The following COG5 variants were observed in gnomAD, a reference collection of about 807,000 sequenced individuals.
The protein encoded by COG5 is conserved oligomeric Golgi complex subunit 5.
In COG5, 86 loss-of-function variants were observed where a neutral mutation model predicts 110.4. That is an observed-to-expected ratio of 0.78 (90% CI 0.65 to 0.93). The LOEUF (loss-of-function observed/expected upper bound fraction) is 0.93, where lower values mean the gene tolerates loss of function less well. Among genes scored for constraint, COG5 ranks in the 40% least tolerant of loss-of-function variants. The probability of loss-of-function intolerance (pLI) is 0.00; values close to 1 mark genes in which losing one functional copy is unlikely to be tolerated. For missense variants in COG5, 1,077 were observed against 987.0 expected, an observed-to-expected ratio of 1.09 and a Z score of -1.22; for synonymous variants, 360 against 334.6, an observed-to-expected ratio of 1.08 and a Z score of -0.83.
At chr7:107,352,701 T>C (rs1812271413) in intron 10 of COG5, among the ~76,000 whole-genome samples, 1 of 151,936 alleles carries the variant, frequency 6.6e-6, no homozygotes, top group Non-Finnish European at 1.5e-5. Context: ...TCTAAAAGGG[T>C]AAAAGAAAAC....
intron 6 of COG5, among the ~76,000 whole-genome samples, chr7:107,511,110 G>A (rs1435974086): frequency 6.7e-6 from 1 of 148,454 alleles, no homozygotes; most frequent in Non-Finnish European, 1.5e-5. Flanking sequence ...CCAGGAGCTG[G>A]TTTTTTGAAA....
intron 15 of COG5, 73 bp downstream of exon 15, chr7:107,258,200 A>G (rs1381288811): frequency 6.8e-6 from 6 of 885,662 alleles, no homozygotes; most frequent in Non-Finnish European, 1.1e-5. Flanking sequence ...CTAAATAACA[A>G]TTTGTAAACT....
intron 11 of COG5, among the ~76,000 whole-genome samples, chr7:107,299,265 T>A (rs1047921475): frequency 6.6e-6 from 1 of 152,000 alleles, no homozygotes; most frequent in Non-Finnish European, 1.5e-5. Context: ...TAAGTAAAAT[T>A]GCCAAACTTC....
intron 10 of COG5, among the ~76,000 whole-genome samples, chr7:107,341,691 A>G (rs931372886): frequency 2.3e-4 from 35 of 152,134 alleles, no homozygotes; most frequent in African/African-American, 7.7e-4. Flanking sequence ...GACCAATGGA[A>G]CAGAATGGAG....
At chr7:107,347,696 A>G (rs1250971973) in intron 10 of COG5, among the ~76,000 whole-genome samples, 1 of 152,246 alleles carries the variant, frequency 6.6e-6, no homozygotes, top group Non-Finnish European at 1.5e-5. Context: ...TATAAATAGT[A>G]CAATTGTTAT....
In COG5 at chr7:107,258,359, G is replaced by A; in HGVS notation, c.1600C>T (p.Gln534Ter). Residue 534 changes from glutamine to a stop codon, truncating the protein, a stop_gained, in exon 15 of 22, where the codon CAG becomes TAG. Coordinates refer to ENST00000297135, the MANE Select transcript of COG5 (RefSeq NM_006348.5). LOFTEE classifies it high-confidence loss of function. Reference sequence around the variant, plus strand: ...CCTTCAGTAAGAGGCCCAATCACCTGACTTGCATCTCCTTGTGTGGAGAGC... The same window carrying A: ...CCTTCAGTAAGAGGCCCAATCACCTAACTTGCATCTCCTTGTGTGGAGAGC... ...QLLSTQGDASQVIGPLTEGQR... is the reference protein window; with the variant it reads ...QLLSTQGDAS The A allele has an allele frequency of 6.2e-7, 1 of 1,610,288 alleles. No individual in the cohort carries two copies. The highest frequency in any genetic ancestry group is 8.5e-7 in the Non-Finnish European group (1 of 1,176,750).
At chr7:107,397,125 T>C (rs1450726002) in intron 7 of COG5, among the ~76,000 whole-genome samples, 1 of 152,212 alleles carries the variant, frequency 6.6e-6, no homozygotes, top group African/African-American at 2.4e-5. Flanking sequence ...GTTTTCACAG[T>C]CTTCTTGATA....
chr7:107,347,217 C>T (rs1020599590), intron 10 of COG5, among the ~76,000 whole-genome samples: 19 of 152,104 alleles, frequency 1.2e-4, no homozygotes, highest in Admixed American at 4.6e-4. Flanking sequence ...AGAGGTATTA[C>T]GTATGATCCT....
chr7:107,339,752 A>T (rs894338130), intron 10 of COG5, among the ~76,000 whole-genome samples: 2 of 152,152 alleles, frequency 1.3e-5, no homozygotes, highest in Non-Finnish European at 2.9e-5. Context: ...AAATTAAACA[A>T]CATGTCTCTG....
intron 19 of COG5, among the ~76,000 whole-genome samples, chr7:107,217,520 A>G (rs1159750102): frequency 6.6e-6 from 1 of 152,162 alleles, no homozygotes; most frequent in Non-Finnish European, 1.5e-5. Flanking sequence ...TCTACGGCAC[A>G]TTAAGAGGAT....
At chr7:107,371,020 C>T (rs1010899644) in intron 8 of COG5, among the ~76,000 whole-genome samples, 2 of 151,682 alleles carry the variant, frequency 1.3e-5, no homozygotes, top group Non-Finnish European at 2.9e-5. Context: ...CTTGACGACA[C>T]AAGGGGGAAT....
Position 107,299,826 on chromosome 7 carries a change from CATATATATATATATAT to C in COG5, c.1109-1496_1109-1481del, listed in dbSNP as rs71856513. Among the ~76,000 whole-genome samples the C allele has an allele frequency of 5.3e-4, 55 of 103,194 alleles. No individual in the cohort carries two copies. The East Asian group carries it at 6.9e-3, about 13-fold the overall frequency. 67.7% of individuals were successfully genotyped at this position (103,194 alleles called of 152,430 possible). On this transcript the variant is annotated intron_variant, in intron 11 of 21. Transcript: ENST00000297135. ...ATCTATGTCAGAAATTCATAGTTGG[CATATATATATATATAT>C]ATATATATATATATATCTGGAATTA... is the stretch of plus-strand genomic sequence containing the variant.
At chr7:107,242,478 T>A (rs180710387) in intron 17 of COG5, among the ~76,000 whole-genome samples, 24 of 152,230 alleles carry the variant, frequency 1.6e-4, no homozygotes, top group Admixed American at 1.2e-3. Context: ...GGCCTGGGCC[T>A]CCAGCCATCC....
chr7:107,330,855 C>T (rs1299226217), intron 10 of COG5, among the ~76,000 whole-genome samples: 1 of 147,840 alleles, frequency 6.8e-6, no homozygotes, highest in Non-Finnish European at 1.5e-5. Flanking sequence ...CAGAGTCTCA[C>T]CCTGTTGCCC....
chr7:107,410,556 C>T (rs1469411334), intron 7 of COG5, among the ~76,000 whole-genome samples: 1 of 152,012 alleles, frequency 6.6e-6, no homozygotes, highest in African/African-American at 2.4e-5. Flanking sequence ...AATTCTCCTG[C>T]CTCAGCCTCC....
At chr7:107,563,714 A>G in intron 1 of COG5, 89 bp downstream of exon 1, 1 of 1,507,282 alleles carries the variant, frequency 6.6e-7, no homozygotes, top group East Asian at 2.3e-5. Context: ...AACTTTCTGC[A>G]AAGCAACGGG....
chr7:107,497,276 T>C (rs1354309682), intron 6 of COG5, among the ~76,000 whole-genome samples: 5 of 152,108 alleles, frequency 3.3e-5, no homozygotes, highest in Admixed American at 3.3e-4. Flanking sequence ...AAAACTTCTA[T>C]AGTGTTGGAA....
chr7:107,232,635 G>A (rs1215022095), intron 18 of COG5, among the ~76,000 whole-genome samples: 2 of 152,110 alleles, frequency 1.3e-5, no homozygotes, highest in African/African-American at 4.8e-5. Flanking sequence ...TTTCTATGCC[G>A]CAGGACAATT....
In COG5 at chr7:107,548,096, A is replaced by C; in HGVS notation, c.417+15T>G. 3 of 1,603,226 alleles carry C rather than the reference A, an allele frequency of 1.9e-6. No homozygotes were observed. Among genetic ancestry groups the C allele is most frequent in the Non-Finnish European group, 2.6e-6 (3 of 1,170,632 alleles). On this transcript the variant is annotated intron_variant, in intron 5 of 21. Transcript: ENST00000297135. Reference sequence around the variant, plus strand: ...ATGAATAATAAAGTATAAAGAAATAAAAGTAAGAAACTACCTGAAGTCTTG... The same window carrying C: ...ATGAATAATAAAGTATAAAGAAATACAAGTAAGAAACTACCTGAAGTCTTG...
Sources: allele counts gnomAD v4.1 joint callset (sites outside exome capture counted in the v4.1 genomes callset), GRCh38; gene constraint gnomAD v4.1.1; transcripts MANE v1.5; gene names NCBI Gene and HGNC (gene_info 2026-07-23, HGNC 2026-07-21).